Variants in ABCC10 observed in about 807,000 individuals in gnomAD.
ABCC10 encodes ATP-binding cassette sub-family C member 10.
ABCC10 carries 110 observed loss-of-function variants against 143.2 expected under a neutral mutation model. That is an observed-to-expected ratio of 0.77 (90% CI 0.66 to 0.90). The LOEUF is 0.90. Ranked by LOEUF, ABCC10 falls within the 40% of genes least tolerant of loss-of-function variation. The pLI is 0.00. For synonymous variants in ABCC10, 805 were observed against 846.7 expected (o/e 0.95, Z 0.85); for missense variants, 1,700 against 1,900.5 (o/e 0.89, Z 1.96).
In ABCC10 at chr6:43,446,264, T is replaced by C. The variant is rs375780078; in HGVS notation, c.3375-13T>C. The C allele has an allele frequency of 1.1e-4, 184 of 1,610,066 alleles. No individual in the cohort carries two copies. The highest frequency in any genetic ancestry group is 1.5e-4 in the Non-Finnish European group (178 of 1,177,590). ...ACAGTGGAGTGGCTTCACATCCCTCTGGCCTTCCCTAGGTTTGAGGAGGAG... is the reference window on the plus strand; with the variant it reads ...ACAGTGGAGTGGCTTCACATCCCTCCGGCCTTCCCTAGGTTTGAGGAGGAG... On this transcript the variant is annotated splice_polypyrimidine_tract_variant and intron_variant, in intron 15 of 21. Transcript: ENST00000372530.
At position 43,433,310 on chromosome 6, in the gene ABCC10, A is replaced by G. The variant is rs1781336199; in HGVS notation, c.1330A>G (p.Ile444Val). 6.2e-7 allele frequency: 1 copy of G among 1,614,046 alleles called. No homozygotes were observed. Among genetic ancestry groups the G allele is most frequent in the Non-Finnish European group, 8.5e-7 (1 of 1,179,894 alleles). Residue 444 changes from isoleucine to valine, a missense_variant, in exon 3 of 22, where the codon ATC becomes GTC. By Grantham distance (29) the Ile-to-Val change is conservative. Coordinates refer to ENST00000372530, the MANE Select transcript of ABCC10 (RefSeq NM_001198934.2). The stretch of plus-strand genomic sequence containing the variant: ...CGTCAACAAAGTGATTGCCACCCGC[A>G]TCATGGCCAGCAACCAGGAAATGCT... The part of the protein sequence containing the change: ...VPVNKVIATR[I>V]MASNQEMLQH...
intron 16 of ABCC10, chr6:43,447,047 C>A (rs1783168125): frequency 1.0e-5 from 8 of 771,286 alleles, no homozygotes; most frequent in Non-Finnish European, 1.3e-5. Context: ...AGGGTTTCAC[C>A]ATGTTGGCCA....
rs1362565747 is a variant in ABCC10 at position 43,432,425 on chromosome 6, C to G, written c.445C>G (p.Leu149Val). 6.2e-7 allele frequency: 1 copy of G among 1,611,950 alleles called. No homozygotes were observed. Among genetic ancestry groups the G allele is most frequent in the Admixed American group, 1.7e-5 (1 of 60,036 alleles). ...CTTGCTGCCAGCTCCAGCCCTAGTG[C>G]TGACCGTGTTGTGGCATTGCCAGCG... ...VALLPAPALV[L>V]TVLWHCQRGT... The change falls in exon 3 of 22, where the codon CTG (leucine) becomes GTG (valine). Residue 149 changes from leucine to valine, a missense_variant. Coordinates refer to ENST00000372530, the MANE Select transcript of ABCC10 (RefSeq NM_001198934.2).
Position 43,433,358 on chromosome 6 carries a change from A to G in ABCC10, c.1378A>G (p.Lys460Glu), listed in dbSNP as rs1484462251. The change falls in exon 3 of 22, where the codon AAG becomes GAG. Residue 460 changes from lysine (K) to glutamate (E), a missense_variant and splice_region_variant. Lys to Glu is a moderately conservative substitution (Grantham distance 56). Transcript: ENST00000372530. ...EMLQHKDARVKLVTELLSGIR... is the reference protein window; with the variant it reads ...EMLQHKDARVELVTELLSGIR... ...GCTACAGCACAAGGATGCGCGGGTT[A>G]AGGTGAGCGGGTACTTGGGGTCCCT... 6.2e-7 allele frequency: 1 copy of G among 1,605,976 alleles called. No homozygotes were observed. Among genetic ancestry groups the G allele is most frequent in the South Asian group, 1.1e-5 (1 of 90,464 alleles).
Position 43,428,030 on chromosome 6 carries a change from C to T in ABCC10, c.52C>T (p.Pro18Ser). 1 of 1,607,080 alleles carries T rather than the reference C, an allele frequency of 6.2e-7. No individual in the cohort carries two copies. Among genetic ancestry groups the T allele is most frequent in the Non-Finnish European group, 8.5e-7 (1 of 1,177,634 alleles). ...CGGCAGCAGCGCAGCGTGGCCGCTC[C>T]CGCTGTGGGAGGGGGACACCACAGG... ...LCGSSAAWPL[P>S]LWEGDTTGHC... Residue 18 changes from proline to serine, a missense_variant, in exon 2 of 22, where the codon CCG becomes TCG. Physicochemically the swap from Pro to Ser is moderately conservative, Grantham distance 74. Coordinates refer to ENST00000372530, the MANE Select transcript of ABCC10 (RefSeq NM_001198934.2).
At position 43,427,543 on chromosome 6, in the gene ABCC10, C is replaced by T. The variant is rs548850526; in HGVS notation, c.-226C>T. On this transcript the variant is annotated 5_prime_UTR_variant, in exon 1 of 22. Coordinates refer to ENST00000372530, the MANE Select transcript of ABCC10 (RefSeq NM_001198934.2). ...CAGTGCACATGCGTGCAGCTACCAG[C>T]ATATGGGCGTGGCGAATAGCGCCGG... The T allele has an allele frequency of 6.9e-6, 2 of 291,704 alleles. No homozygotes were observed. The highest frequency in any genetic ancestry group is 4.5e-5 in the African/African-American group (2 of 44,318). 18.1% of individuals were successfully genotyped at this position (291,704 alleles called of 1,614,324 possible). A position where few individuals can be genotyped will look rare whatever the true frequency, so the allele number is the denominator to read the frequency against.
In ABCC10 at chr6:43,447,189, T is replaced by C. The variant is rs966907461; in HGVS notation, c.3545-59T>C. Reference sequence around the variant, plus strand: ...TGCCAGCAGTCCACAGCCTGGGGAGTCTCCCACAAACGTCCCGGTGTCCAA... The same window carrying C: ...TGCCAGCAGTCCACAGCCTGGGGAGCCTCCCACAAACGTCCCGGTGTCCAA... On this transcript the variant is annotated intron_variant, in intron 16 of 21. Transcript: ENST00000372530. 6.4e-6 allele frequency: 10 copies of C among 1,567,678 alleles called. No homozygotes were observed. The African/African-American group carries it at 1.2e-4, about 19-fold the overall frequency.
At chr6:43,429,290 G>A (rs1161804466) in intron 2 of ABCC10, among the ~76,000 whole-genome samples, 3 of 151,562 alleles carry the variant, frequency 2.0e-5, no homozygotes, top group Non-Finnish European at 4.4e-5. Flanking sequence ...AGGGCCCAGT[G>A]TTCTTTCTTG....
At chr6:43,451,123 G>C, downstream of ABCC10, 1 of 1,614,248 alleles carries the variant, frequency 6.2e-7, no homozygotes, top group South Asian at 1.1e-5. This position sits in a 1 kb window ranked among gnomAD's most constrained non-coding sequence, Gnocchi z 4.4. Flanking sequence ...ATGCCGTCAA[G>C]GCAGGTGGCA....
At chr6:43,434,534 T>G in intron 3 of ABCC10, 87 bp from the exon 4 acceptor site, 9 of 1,283,546 alleles carry the variant, frequency 7.0e-6, no homozygotes, top group Non-Finnish European at 9.9e-6. Flanking sequence ...TACTGAACAT[T>G]CTGCCAGCAG....
At chr6:43,428,600 G>A (rs1376554561) in intron 2 of ABCC10, among the ~76,000 whole-genome samples, 1 of 152,210 alleles carries the variant, frequency 6.6e-6, no homozygotes, top group African/African-American at 2.4e-5. Context: ...AGGCTCAGCT[G>A]AAGAGGAAGC....
chr6:43,450,164 C>A lies in ABCC10; in HGVS notation c.*73C>A. On this transcript the variant is annotated 3_prime_UTR_variant, in exon 22 of 22. Coordinates refer to ENST00000372530, the MANE Select transcript of ABCC10 (RefSeq NM_001198934.2). The surrounding 1 kb of genome is among the most constrained non-coding windows in gnomAD (Gnocchi z 4.5). ...CGGGCCTATACAGAGGTGCTGGCTGCTTGTTTACATTCTCCTCTGGGGCTC... is the reference window on the plus strand; with the variant it reads ...CGGGCCTATACAGAGGTGCTGGCTGATTGTTTACATTCTCCTCTGGGGCTC... 6.8e-7 allele frequency: 1 copy of A among 1,478,254 alleles called. No homozygotes were observed. The allele number at this position is 1,478,254 out of a possible 1,614,324, so 91.6% of individuals were successfully genotyped here.
chr6:43,428,085 C>T lies in ABCC10; in HGVS notation c.107C>T (p.Ala36Val), dbSNP rs1357094409. Residue 36 changes from alanine (A) to valine (V), a missense_variant, in exon 2 of 22, where the codon GCC becomes GTC. Ala to Val is a moderately conservative substitution (Grantham distance 64, BLOSUM62 0). Coordinates refer to ENST00000372530, the MANE Select transcript of ABCC10 (RefSeq NM_001198934.2). ...GHCFTQLVLS[A>V]LPHALLAVLS... is the part of the protein sequence containing the mutation. Reference sequence around the variant, plus strand: ...TGCTTCACCCAGCTGGTGCTCAGCGCCCTGCCCCACGCGCTCCTCGCCGTG... The same window carrying T: ...TGCTTCACCCAGCTGGTGCTCAGCGTCCTGCCCCACGCGCTCCTCGCCGTG... The T allele has an allele frequency of 1.3e-6, 2 of 1,564,522 alleles. No individual in the cohort carries two copies. The highest frequency in any genetic ancestry group is 1.2e-5 in the South Asian group (1 of 85,530).
At chr6:43,446,128 G>A in intron 15 of ABCC10, 149 bp from the exon 16 acceptor site, 1 of 1,122,548 alleles carries the variant, frequency 8.9e-7, no homozygotes, top group Non-Finnish European at 1.3e-6. Flanking sequence ...AGAGCACACT[G>A]GCATCTGCAG....
rs752929068 is a variant in ABCC10 at position 43,432,473 on chromosome 6, C to T, written c.493C>T (p.Leu165Phe). ...GCGAGGCACACTTCTGCCCCCACTT[C>T]TCCCAGGGCCCATGGCCCGCCTATG... The part of the protein sequence containing the change: ...CQRGTLLPPL[L>F]PGPMARLCLL... The change falls in exon 3 of 22, where the codon CTC becomes TTC. Residue 165 changes from leucine to phenylalanine, a missense_variant. By Grantham distance (22) the Leu-to-Phe change is conservative. Coordinates refer to ENST00000372530, the MANE Select transcript of ABCC10 (RefSeq NM_001198934.2). The T allele has an allele frequency of 1.2e-6, 2 of 1,611,892 alleles. No individual in the cohort carries two copies. The highest frequency in any genetic ancestry group is 1.7e-6 in the Non-Finnish European group (2 of 1,180,034).
intron 8 of ABCC10, among the ~76,000 whole-genome samples, chr6:43,440,743 T>A (rs1475113276): frequency 6.6e-6 from 1 of 151,864 alleles, no homozygotes; most frequent in South Asian, 2.1e-4. Flanking sequence ...GCACCTGTAA[T>A]CCCAGCTACT....
chr6:43,434,851 GAGGACC>G lies in ABCC10; in HGVS notation c.1608+8_1608+13del. On this transcript the variant is annotated splice_donor_5th_base_variant and intron_variant, in intron 4 of 21. Coordinates refer to ENST00000372530, the MANE Select transcript of ABCC10 (RefSeq NM_001198934.2). ...GGCACCAGCTCACTGCCACCAAGGT[GAGGACC>G]AGGAAGGAAGGGGACCAGCATCAAG... 1 of 1,613,420 alleles carries G rather than the reference GAGGACC, an allele frequency of 6.2e-7. No homozygotes were observed. Among genetic ancestry groups the G allele is most frequent in the South Asian group, 1.1e-5 (1 of 91,064 alleles).
chr6:43,430,757 T>G (rs1455590159), intron 2 of ABCC10: 2 of 150,836 alleles, frequency 1.3e-5, no homozygotes, highest in Non-Finnish European at 3.0e-5. Flanking sequence ...GAGTCTCTCT[T>G]TGTCACCCAG....
At chr6:43,441,120 A>G (rs955809940) in intron 8 of ABCC10, among the ~76,000 whole-genome samples, 1 of 151,264 alleles carries the variant, frequency 6.6e-6, no homozygotes, top group African/African-American at 2.4e-5. Context: ...CAAAAAAGTA[A>G]AAACCTATAA....
Sources: gnomAD v4.1 joint callset for allele counts (sites outside exome capture counted in the v4.1 genomes callset) on GRCh38, gnomAD v4.1.1 for gene constraint, Gnocchi (gnomAD v3.1) non-coding constraint, MANE v1.5 for transcripts, NCBI Gene and HGNC (gene_info 2026-07-23, HGNC 2026-07-21) for gene names.